Variants in STAU2 observed in about 807,000 individuals in gnomAD.
STAU2 encodes double-stranded RNA-binding protein Staufen homolog 2.
STAU2 carries 20 observed loss-of-function variants against 65.9 expected under a neutral mutation model. The ratio of observed to expected loss-of-function variants is 0.30; its 90% CI spans 0.21 to 0.44. The LOEUF is 0.44. STAU2 is among the 20% of genes least tolerant of loss of function. The pLI is 1.00. For synonymous variants in STAU2, 232 were observed against 233.9 expected, an observed-to-expected ratio of 0.99 and a Z score of 0.07; for missense variants, 558 against 683.9, an observed-to-expected ratio of 0.82 and a Z score of 2.05.
At chr8:73,610,099 C>G (rs894408853) in intron 9 of STAU2, among the ~76,000 whole-genome samples, 1 of 151,862 alleles carries the variant, frequency 6.6e-6, no homozygotes, top group African/African-American at 2.4e-5. Context: ...CACAACGTTG[C>G]AAAACCCTGT....
chr8:73,437,668 A>G (rs536501012), intron 13 of STAU2, among the ~76,000 whole-genome samples: 43 of 152,312 alleles, frequency 2.8e-4, no homozygotes, highest in Non-Finnish European at 5.4e-4. Flanking sequence ...ACTGAAAGTC[A>G]CACTGAGGTG....
At chr8:73,745,760 G>C (rs1361646996) in intron 1 of STAU2, among the ~76,000 whole-genome samples, 1 of 152,064 alleles carries the variant, frequency 6.6e-6, no homozygotes, top group South Asian at 2.1e-4. Flanking sequence ...AGTGGGGATG[G>C]GGGTAAGGGG....
intron 11 of STAU2, among the ~76,000 whole-genome samples, chr8:73,588,251 TCA>T (rs796864942): frequency 3.6e-4 from 55 of 152,320 alleles, no homozygotes; most frequent in African/African-American, 1.3e-3. Flanking sequence ...GAGATAGGAC[TCA>T]CAAAAATGTT....
At chr8:73,546,148 G>GTTTTTTTTTTTT (rs1563412799) in intron 13 of STAU2, among the ~76,000 whole-genome samples, 2 of 116,462 alleles carry the variant, frequency 1.7e-5, no homozygotes, top group African/African-American at 3.7e-5. Flanking sequence ...TTTTTTTTTG[G>GTTTTTTTTTTTT]TAGAGACAGA....
At chr8:73,582,679 G>A (rs954737201) in intron 12 of STAU2, 91 bp downstream of exon 12, 8 of 1,208,056 alleles carry the variant, frequency 6.6e-6, no homozygotes, top group Non-Finnish European at 9.8e-6. Flanking sequence ...CAGCCTCTCA[G>A]ACCCAGACAG....
chr8:73,433,503 C>CTTTTT (rs34174316), intron 13 of STAU2, among the ~76,000 whole-genome samples: 2 of 126,666 alleles, frequency 1.6e-5, no homozygotes, highest in African/African-American at 6.2e-5. Flanking sequence ...CACGCCCCGC[C>CTTTTT]TTTTTTTTTT....
At chr8:73,634,949 ATTTT>A (rs1814380410) in intron 6 of STAU2, among the ~76,000 whole-genome samples, 1 of 151,998 alleles carries the variant, frequency 6.6e-6, no homozygotes, top group African/African-American at 2.4e-5. Context: ...TTTATTTTTT[ATTTT>A]CTATCTCCCC....
intron 6 of STAU2, chr8:73,652,810 A>T (rs563810147): frequency 6.6e-6 from 1 of 152,294 alleles, no homozygotes; most frequent in South Asian, 2.1e-4. Context: ...TAACACACAT[A>T]CACATACATA....
At chr8:73,535,996 T>C (rs1806156663) in intron 13 of STAU2, among the ~76,000 whole-genome samples, 1 of 152,176 alleles carries the variant, frequency 6.6e-6, no homozygotes. Flanking sequence ...TATTTTAACA[T>C]GGTGCTTTCT....
chr8:73,553,099 T>C (rs1385408738), intron 12 of STAU2, among the ~76,000 whole-genome samples: 1 of 152,240 alleles, frequency 6.6e-6, no homozygotes, highest in Admixed American at 6.5e-5. Flanking sequence ...ATGTCATTAG[T>C]TGATGGAGCT....
At chr8:73,507,211 G>A (rs1822118465) in intron 13 of STAU2, among the ~76,000 whole-genome samples, 1 of 150,714 alleles carries the variant, frequency 6.6e-6, no homozygotes, top group Admixed American at 6.6e-5. Flanking sequence ...ACTTTGTGTA[G>A]ATCCATCAGA....
chr8:73,584,566 T>C (rs1231442452), intron 11 of STAU2, among the ~76,000 whole-genome samples: 1 of 152,160 alleles, frequency 6.6e-6, no homozygotes, highest in South Asian at 2.1e-4. Context: ...TATGCACAGG[T>C]GCCAGGACAT....
intron 12 of STAU2, among the ~76,000 whole-genome samples, chr8:73,575,128 TA>T (rs5892429): frequency 0.97 from 133,690 of 138,072 alleles, 64,702 homozygotes; most frequent in Middle Eastern, 0.99. Context: ...TCCTACCAAG[TA>T]AAAAAAAAAA....
chr8:73,653,281 T>A (rs1385628319), intron 6 of STAU2: 1 of 152,224 alleles, frequency 6.6e-6, no homozygotes, highest in African/African-American at 2.4e-5. Flanking sequence ...AGGTTGATAA[T>A]GAGTCAACAG....
At chr8:73,577,272 C>CA (rs1809635361) in intron 12 of STAU2, among the ~76,000 whole-genome samples, 2 of 151,676 alleles carry the variant, frequency 1.3e-5, no homozygotes, top group Non-Finnish European at 2.9e-5. Context: ...ACTAAAAATA[C>CA]AAAAAATTAG....
At chr8:73,427,085 C>G (rs541853568) in intron 13 of STAU2, among the ~76,000 whole-genome samples, 2 of 151,874 alleles carry the variant, frequency 1.3e-5, no homozygotes, top group African/African-American at 2.4e-5. Flanking sequence ...TGCACCACCA[C>G]GCCAGATTAC....
chr8:73,739,011 C>T (rs759231010), intron 2 of STAU2, among the ~76,000 whole-genome samples: 2 of 152,026 alleles, frequency 1.3e-5, no homozygotes. Flanking sequence ...GTGGGTGGAT[C>T]ATTTGAGTTC....
intron 13 of STAU2, among the ~76,000 whole-genome samples, chr8:73,459,364 A>G (rs1819227257): frequency 7.2e-5 from 11 of 152,232 alleles, no homozygotes; most frequent in Admixed American, 7.2e-4. Context: ...ATTTGCACCA[A>G]AAAAGCCATA....
intron 6 of STAU2, among the ~76,000 whole-genome samples, chr8:73,659,341 C>T (rs1322142240): frequency 6.6e-6 from 1 of 152,118 alleles, no homozygotes; most frequent in African/African-American, 2.4e-5. Flanking sequence ...AGTTCGAGAC[C>T]AGCCTGACCA....
Sources: allele counts gnomAD v4.1 joint callset (sites outside exome capture counted in the v4.1 genomes callset), GRCh38; gene constraint gnomAD v4.1.1; transcripts MANE v1.5; gene names NCBI Gene and HGNC (gene_info 2026-07-23, HGNC 2026-07-21).